Variants in ARHGAP26 observed in about 807,000 individuals in gnomAD.
ARHGAP26 encodes the protein rho GTPase-activating protein 26.
ARHGAP26 carries 38 observed loss-of-function variants against 104.8 expected under a neutral mutation model. The ratio of observed to expected loss-of-function variants is 0.36; its 90% CI spans 0.28 to 0.48. The LOEUF (loss-of-function observed/expected upper bound fraction) is 0.48, where lower values mean the gene tolerates loss of function less well. ARHGAP26 is among the 20% of genes least tolerant of loss of function. The pLI, the probability that ARHGAP26 is intolerant of heterozygous loss-of-function variation, is 0.99. For missense variants in ARHGAP26, 704 were observed against 947.9 expected, an observed-to-expected ratio of 0.74 and a Z score of 3.38; for synonymous variants, 341 against 340.0, an observed-to-expected ratio of 1.00 and a Z score of -0.03.
intron 17 of ARHGAP26, among the ~76,000 whole-genome samples, chr5:143,101,386 C>T (rs1793210680): frequency 6.6e-6 from 1 of 152,224 alleles, no homozygotes; most frequent in Non-Finnish European, 1.5e-5. Context: ...CATACACCTT[C>T]TATTTCTGCT....
At chr5:142,921,357 A>G (rs886495250) in intron 10 of ARHGAP26, among the ~76,000 whole-genome samples, 10 of 152,246 alleles carry the variant, frequency 6.6e-5, no homozygotes, top group African/African-American at 1.4e-4. Context: ...ATATGTGCAT[A>G]TGGCTGTTCA....
chr5:142,998,955 G>GCC (rs1776815367), intron 11 of ARHGAP26, among the ~76,000 whole-genome samples: 1 of 152,080 alleles, frequency 6.6e-6, no homozygotes, highest in African/African-American at 2.4e-5. Flanking sequence ...TTTGCTGTTT[G>GCC]CTGGTAAGAT....
intron 20 of ARHGAP26, among the ~76,000 whole-genome samples, chr5:143,195,135 C>G (rs181458917): frequency 6.6e-6 from 1 of 152,364 alleles, no homozygotes; most frequent in African/African-American, 2.4e-5. Context: ...AAGTTCATCT[C>G]TCTTTCTCTC....
At chr5:142,841,241 G>A (rs1014947872) in intron 1 of ARHGAP26, among the ~76,000 whole-genome samples, 3 of 152,150 alleles carry the variant, frequency 2.0e-5, no homozygotes, top group Non-Finnish European at 4.4e-5. Context: ...ACAAATCACT[G>A]TAAGTCATCA....
At chr5:143,218,485 A>T (rs987131510) in intron 22 of ARHGAP26, among the ~76,000 whole-genome samples, 1 of 152,114 alleles carries the variant, frequency 6.6e-6, no homozygotes, top group African/African-American at 2.4e-5. Flanking sequence ...TTTAGTTAAG[A>T]CTTCTTTTGG....
At chr5:143,041,985 A>T in intron 14 of ARHGAP26, 95 bp downstream of exon 14, 1 of 1,091,502 alleles carries the variant, frequency 9.2e-7, no homozygotes, top group East Asian at 2.6e-5. Flanking sequence ...CCTGTGGCAA[A>T]GGAATCGGGG....
rs562143029 is a variant in ARHGAP26 at position 142,872,911 on chromosome 5, C to T, written c.155-489C>T. Among the ~76,000 whole-genome samples the T allele has an allele frequency of 5.9e-5, 9 of 152,238 alleles. 1 individual carries two copies. In the South Asian group the frequency reaches 1.9e-3, roughly 32 times the overall value. ...TGCTATGGGCAGGGCAGTTCCCAGC[C>T]CCTCCTTCCAGCCTTCTCCAGGCTC... On this transcript the variant is annotated intron_variant, in intron 1 of 22. Transcript: ENST00000645722.
chr5:143,173,786 G>C (rs17100104), intron 20 of ARHGAP26, among the ~76,000 whole-genome samples: 2,784 of 152,286 alleles, frequency 0.018, 102 homozygotes, highest in Admixed American at 0.096. Context: ...GAGTCATGCT[G>C]TGTGGAAGGG....
intron 1 of ARHGAP26, among the ~76,000 whole-genome samples, chr5:142,807,305 C>T (rs1292894643): frequency 6.6e-6 from 1 of 152,180 alleles, no homozygotes; most frequent in Non-Finnish European, 1.5e-5. Flanking sequence ...ACTTACCTTG[C>T]CACTGACTGA....
At chr5:142,874,456 G>A (rs1443136527) in intron 2 of ARHGAP26, among the ~76,000 whole-genome samples, 1 of 152,236 alleles carries the variant, frequency 6.6e-6, no homozygotes, top group Admixed American at 6.5e-5. Flanking sequence ...TGGTGAAAAT[G>A]TATCCTTGTA....
At chr5:142,772,224 A>G (rs999783738) in intron 1 of ARHGAP26, among the ~76,000 whole-genome samples, 1 of 152,222 alleles carries the variant, frequency 6.6e-6, no homozygotes, top group African/African-American at 2.4e-5. Flanking sequence ...GGGCAGCCCA[A>G]AGTGCCAATC....
intron 1 of ARHGAP26, among the ~76,000 whole-genome samples, chr5:142,799,314 TC>T (rs1761598863): frequency 6.6e-6 from 1 of 152,160 alleles, no homozygotes; most frequent in Non-Finnish European, 1.5e-5. Context: ...GATGCTAAGC[TC>T]CAGAAGGATA....
intron 14 of ARHGAP26, 110 bp downstream of exon 14, chr5:143,042,000 C>T (rs552024685): frequency 3.9e-5 from 34 of 876,716 alleles, no homozygotes; most frequent in South Asian, 3.4e-4. Flanking sequence ...TCGGGGTGTC[C>T]GTGAGCTGTC....
intron 14 of ARHGAP26, among the ~76,000 whole-genome samples, chr5:143,051,284 C>T (rs1288663444): frequency 6.6e-6 from 1 of 152,186 alleles, no homozygotes; most frequent in Non-Finnish European, 1.5e-5. Context: ...CTAAGACGTT[C>T]TCCGCTTATA....
At chr5:143,169,846 A>G (rs1369883024) in intron 20 of ARHGAP26, 1 of 152,186 alleles carries the variant, frequency 6.6e-6, no homozygotes, top group Non-Finnish European at 1.5e-5. Context: ...CAGGATCCAA[A>G]TTTGTACTGC....
chr5:142,950,167 G>A (rs972267527), intron 11 of ARHGAP26, among the ~76,000 whole-genome samples: 2 of 152,074 alleles, frequency 1.3e-5, no homozygotes, highest in Non-Finnish European at 2.9e-5. Flanking sequence ...TTAGGTATGG[G>A]TAGGGTGTGT....
intron 11 of ARHGAP26, among the ~76,000 whole-genome samples, chr5:143,006,969 C>T (rs1349258437): frequency 6.6e-6 from 1 of 152,060 alleles, no homozygotes; most frequent in Non-Finnish European, 1.5e-5. Flanking sequence ...GTGGCTCATG[C>T]CTGTAATCCT....
intron 8 of ARHGAP26, 65 bp downstream of exon 8, chr5:142,903,734 G>T: frequency 6.5e-7 from 1 of 1,540,990 alleles, no homozygotes; most frequent in Non-Finnish European, 8.8e-7. Context: ...GGTGGAGGAT[G>T]TATTCAGCAG....
chr5:143,103,347 G>C (rs959170596), intron 17 of ARHGAP26: 1 of 498,150 alleles, frequency 2.0e-6, no homozygotes, highest in Non-Finnish European at 2.6e-6. Context: ...CTGTTGGTGG[G>C]AGTGTAAATT....
Sources: gnomAD v4.1 joint callset for allele counts (sites outside exome capture counted in the v4.1 genomes callset) on GRCh38, gnomAD v4.1.1 for gene constraint, MANE v1.5 for transcripts, NCBI Gene and HGNC (gene_info 2026-07-23, HGNC 2026-07-21) for gene names.